Variants in ESCO2 observed in about 807,000 individuals in gnomAD.
The protein encoded by ESCO2 is N-acetyltransferase ESCO2.
ESCO2 carries 51 observed loss-of-function variants against 61.7 expected under a neutral mutation model. The ratio of observed to expected loss-of-function variants is 0.83; its 90% CI spans 0.66 to 1.04. The LOEUF is 1.04. Ranked by LOEUF, ESCO2 falls within the 50% of genes least tolerant of loss-of-function variation. The probability of loss-of-function intolerance (pLI) is 0.00; values close to 1 mark genes in which losing one functional copy is unlikely to be tolerated. For missense variants in ESCO2, 692 were observed against 686.2 expected, an observed-to-expected ratio of 1.01 and a Z score of -0.09; for synonymous variants, 230 against 238.2, an observed-to-expected ratio of 0.97 and a Z score of 0.32.
downstream of ESCO2, chr8:27,810,565 G>T: frequency 2.2e-6 from 2 of 906,248 alleles, no homozygotes; most frequent in Non-Finnish European, 3.5e-6. Context: ...AAGTTTAATA[G>T]CTCACCCTTC....
At chr8:27,812,839 T>C (rs1805720292), downstream of ESCO2, among the ~76,000 whole-genome samples, 1 of 152,140 alleles carries the variant, frequency 6.6e-6, no homozygotes, top group Admixed American at 6.5e-5. Flanking sequence ...GGAGAGGATG[T>C]GGAGAAATAG....
chr8:27,816,359 T>TA (rs1563489324), downstream of ESCO2, among the ~76,000 whole-genome samples: 626 of 126,692 alleles, frequency 4.9e-3, 20 homozygotes, highest in African/African-American at 0.018. Flanking sequence ...ATATATATAT[T>TA]TATTTATTTA....
At chr8:27,813,519 TTA>T (rs750152073), downstream of ESCO2, among the ~76,000 whole-genome samples, 24 of 152,148 alleles carry the variant, frequency 1.6e-4, no homozygotes, top group Non-Finnish European at 2.9e-4. Flanking sequence ...AATTAACAAA[TTA>T]TATATGTTTA....
In ESCO2 at chr8:27,803,578, ATAT is replaced by A. The variant is rs2128959272; in HGVS notation, c.*141_*143del. 131 of 1,447,124 alleles carry A rather than the reference ATAT, an allele frequency of 9.1e-5. No homozygotes were observed. The highest frequency in any genetic ancestry group is 4.3e-4 in the South Asian group (29 of 66,738). 89.6% of individuals were successfully genotyped at this position (1,447,124 alleles called of 1,614,324 possible). A position where few individuals can be genotyped will look rare whatever the true frequency, so the allele number is the denominator to read the frequency against. On this transcript the variant is annotated 3_prime_UTR_variant, in exon 11 of 11. Coordinates refer to ENST00000305188, the MANE Select transcript of ESCO2 (RefSeq NM_001017420.3). ...CACACACACACACACGCACACACACATATCACAGTTTTGTTCCTTATGAGTTGA... is the reference window on the plus strand; with the variant it reads ...CACACACACACACACGCACACACACACACAGTTTTGTTCCTTATGAGTTGA...
downstream of ESCO2, among the ~76,000 whole-genome samples, chr8:27,805,517 G>GTTTGT (rs1805547631): frequency 6.6e-6 from 1 of 151,830 alleles, no homozygotes; most frequent in African/African-American, 2.4e-5. Context: ...TTGTTTGTTT[G>GTTTGT]TTTGTTTTGT....
downstream of ESCO2, among the ~76,000 whole-genome samples, chr8:27,808,003 G>A (rs751317225): frequency 6.6e-6 from 1 of 152,128 alleles, no homozygotes; most frequent in African/African-American, 2.4e-5. Flanking sequence ...CTAGTCTCTG[G>A]AACTATGAGA....
intron 4 of ESCO2, among the ~76,000 whole-genome samples, chr8:27,782,780 A>G (rs942489516): frequency 6.6e-6 from 1 of 151,578 alleles, no homozygotes; most frequent in Non-Finnish European, 1.5e-5. Context: ...CTAGAGTGCA[A>G]TTTTAAGTGC....
In ESCO2 at chr8:27,792,721, T is replaced by G; in HGVS notation, c.1407T>G (p.Val469=). 1 of 1,612,402 alleles carries G rather than the reference T, an allele frequency of 6.2e-7. No individual in the cohort carries two copies. The highest frequency in any genetic ancestry group is 1.7e-5 in the Admixed American group (1 of 59,812). Residue 469 remains valine, a synonymous_variant, in exon 9 of 11, where the codon GTT becomes GTG. Transcript: ENST00000305188. ...VDNELGFQQV[V]PKCPNKIKTF... ...ATGAATTGGGCTTCCAGCAAGTTGT[T>G]CCTAAATGTCCAAACAAAATAAAAA...
In ESCO2 at chr8:27,804,011, A is replaced by T; in HGVS notation, c.*573A>T. 1.0e-6 allele frequency: 1 copy of T among 986,948 alleles called. No homozygotes were observed. The highest frequency in any genetic ancestry group is 1.7e-5 in the African/African-American group (1 of 57,310). The allele number at this position is 986,948 out of a possible 1,614,324, so 61.1% of individuals were successfully genotyped here. A position where few individuals can be genotyped will look rare whatever the true frequency, so the allele number is the denominator to read the frequency against. On this transcript the variant is annotated 3_prime_UTR_variant, in exon 11 of 11. Coordinates refer to ENST00000305188, the MANE Select transcript of ESCO2 (RefSeq NM_001017420.3). ...CCAAAACGCTGGGATTACAGTCATG[A>T]GCCACCGTGCCCAGCCTAATTCCTG...
At chr8:27,785,762 A>G (rs1264398669) in intron 5 of ESCO2, among the ~76,000 whole-genome samples, 2 of 151,758 alleles carry the variant, frequency 1.3e-5, no homozygotes, top group Admixed American at 6.6e-5. Flanking sequence ...CTCTTTTTGT[A>G]GACTCCAAAA....
chr8:27,789,376 T>G (rs1445859891), intron 7 of ESCO2, among the ~76,000 whole-genome samples: 1 of 152,194 alleles, frequency 6.6e-6, no homozygotes, highest in African/African-American at 2.4e-5. Context: ...ATACATTCCT[T>G]TTTCCCTATT....
chr8:27,795,839 C>T (rs983556385), intron 9 of ESCO2, among the ~76,000 whole-genome samples: 26 of 152,140 alleles, frequency 1.7e-4, no homozygotes, highest in African/African-American at 6.3e-4. Context: ...GGGATAAAGT[C>T]CACTGGATCA....
upstream of ESCO2, chr8:27,772,428 A>C: frequency 7.3e-7 from 1 of 1,370,774 alleles, no homozygotes. Flanking sequence ...TTTTAGAGCG[A>C]GGGTCAGGCG....
Position 27,775,577 on chromosome 8 carries a change from A to G in ESCO2, c.53+10A>G, listed in dbSNP as rs1193013316. On this transcript the variant is annotated intron_variant, in intron 2 of 10. Transcript: ENST00000305188. ...CTTTGAAGTGTGACAGGTGAATCTC[A>G]GCCTGTGAATAGAAACTCTTAGAAA... 2 of 1,612,730 alleles carry G rather than the reference A, an allele frequency of 1.2e-6. No individual in the cohort carries two copies. Among genetic ancestry groups the G allele is most frequent in the Non-Finnish European group, 1.7e-6 (2 of 1,178,714 alleles).
At chr8:27,814,671 G>A (rs1805777283), downstream of ESCO2, among the ~76,000 whole-genome samples, 1 of 152,032 alleles carries the variant, frequency 6.6e-6, no homozygotes, top group African/African-American at 2.4e-5. Context: ...CCCTGCTTTA[G>A]CTATTGCTTG....
chr8:27,780,162 A>G lies in ESCO2; in HGVS notation c.862-12A>G. On this transcript the variant is annotated splice_polypyrimidine_tract_variant and intron_variant, in intron 3 of 10. Transcript: ENST00000305188. The stretch of plus-strand genomic sequence containing the variant: ...TACAGATGTTTGGTTTTTTTTTTAA[A>G]CCTATTTTCAGGATTCATCAGATGA... 6.5e-7 allele frequency: 1 copy of G among 1,533,874 alleles called. No individual in the cohort carries two copies. The highest frequency in any genetic ancestry group is 2.3e-5 in the East Asian group (1 of 44,374).
chr8:27,812,299 C>A, downstream of ESCO2: 1 of 151,246 alleles, frequency 6.6e-6, no homozygotes, highest in Admixed American at 6.6e-5. Context: ...AACACTTTTT[C>A]GGTATCTATT....
chr8:27,776,377 T>G lies in ESCO2; in HGVS notation c.69T>G (p.Thr23=). The part of the protein sequence containing the change: ...SLKCDSLLHF[T]ENLFPSPNKK... Reference sequence around the variant, plus strand: ...CTTTTTATAGCCTTTTACACTTCACTGAAAATCTGTTTCCATCACCTAATA... The same window carrying G: ...CTTTTTATAGCCTTTTACACTTCACGGAAAATCTGTTTCCATCACCTAATA... Residue 23 remains threonine, a synonymous_variant, in exon 3 of 11, where the codon ACT becomes ACG. Coordinates refer to ENST00000305188, the MANE Select transcript of ESCO2 (RefSeq NM_001017420.3). 1 of 1,605,802 alleles carries G rather than the reference T, an allele frequency of 6.2e-7. No individual in the cohort carries two copies. The highest frequency in any genetic ancestry group is 8.5e-7 in the Non-Finnish European group (1 of 1,175,866).
At position 27,776,795 on chromosome 8, in the gene ESCO2, A is replaced by G. The variant is rs1804803021; in HGVS notation, c.487A>G (p.Arg163Gly). 6.2e-7 allele frequency: 1 copy of G among 1,614,140 alleles called. No individual in the cohort carries two copies. Among genetic ancestry groups the G allele is most frequent in the Non-Finnish European group, 8.5e-7 (1 of 1,180,032 alleles). The stretch of plus-strand genomic sequence containing the variant: ...CATCAAGCCTGTATCAAGGAATTCT[A>G]GAAATTCCAAGCAAAATCGAGTGAT... ...RHIKPVSRNS[R>G]NSKQNRVIYK... The change falls in exon 3 of 11, where the codon AGA becomes GGA. Residue 163 changes from arginine to glycine, a missense_variant. Arg to Gly is a moderately radical substitution (Grantham distance 125, BLOSUM62 -2). Coordinates refer to ENST00000305188, the MANE Select transcript of ESCO2 (RefSeq NM_001017420.3).
Sources: gnomAD v4.1 joint callset for allele counts (sites outside exome capture counted in the v4.1 genomes callset) on GRCh38, gnomAD v4.1.1 for gene constraint, MANE v1.5 for transcripts, NCBI Gene and HGNC (gene_info 2026-07-23, HGNC 2026-07-21) for gene names.